Variants in LHX5 observed in about 807,000 individuals in gnomAD.
The protein encoded by LHX5 is LIM/homeobox protein Lhx5.
LHX5 carries 5 observed loss-of-function variants against 30.6 expected under a neutral mutation model. That is an observed-to-expected ratio of 0.16 (90% confidence interval 0.09 to 0.34). LHX5 has a LOEUF of 0.34. LHX5 is among the 10% of genes least tolerant of loss of function. The pLI is 1.00. For missense variants in LHX5, 458 were observed against 570.6 expected, an observed-to-expected ratio of 0.80 and a Z score of 2.01; for synonymous variants, 266 against 252.6, an observed-to-expected ratio of 1.05 and a Z score of -0.50.
At chr12:113,468,489 C>T in intron 2 of LHX5, 85 bp from the exon 3 acceptor site, 1 of 1,452,752 alleles carries the variant, frequency 6.9e-7, no homozygotes, top group Non-Finnish European at 9.3e-7. Flanking sequence ...TCCCGCCGGC[C>T]CAAGCTACGG....
rs760379467 is a variant in LHX5, at chr12:113,462,292, G to A, written c.*898C>T. The A allele has an allele frequency of 6.6e-6, 1 of 152,162 alleles. No individual in the cohort carries two copies. 9.4% of individuals were successfully genotyped at this position (152,162 alleles called of 1,614,324 possible). A position where few individuals can be genotyped will look rare whatever the true frequency, so the allele number is the denominator to read the frequency against. On this transcript the variant is annotated 3_prime_UTR_variant, in exon 5 of 5. Transcript: ENST00000261731. The stretch of plus-strand genomic sequence containing the variant: ...CTAGAAGCGTTCAACTTCCAAAAAA[G>A]TATAATATTGTACATCCTGACGGCC...
Position 113,466,180 on chromosome 12 carries a change from G to C in LHX5, c.841+1076C>G, listed in dbSNP as rs1958214378. 6.6e-6 allele frequency among the ~76,000 whole-genome samples: 1 copy of C among 152,144 alleles called. No homozygotes were observed. The highest frequency in any genetic ancestry group is 2.4e-5 in the African/African-American group (1 of 41,420). Reference sequence around the variant, plus strand: ...TCTTCCTAACCTGCGTTACAACTCAGAAGTGCAGATGCCTCTCAGACATAG... The same window carrying C: ...TCTTCCTAACCTGCGTTACAACTCACAAGTGCAGATGCCTCTCAGACATAG... On this transcript the variant is annotated intron_variant, in intron 4 of 4. Coordinates refer to ENST00000261731, the MANE Select transcript of LHX5 (RefSeq NM_022363.3). This position sits in a 1 kb window ranked among gnomAD's most constrained non-coding sequence, Gnocchi z 6.5.
At position 113,462,703 on chromosome 12, in the gene LHX5, T is replaced by A. The variant is rs1438399485; in HGVS notation, c.*487A>T. ...TTTCCTCTCCCTCTCTTTCAATCTC[T>A]CTCCTTTTCTTATCATCTTTTTTTT... On this transcript the variant is annotated 3_prime_UTR_variant, in exon 5 of 5. Transcript: ENST00000261731. The A allele has an allele frequency of 2.0e-5, 3 of 151,028 alleles. No homozygotes were observed. The highest frequency in any genetic ancestry group is 4.4e-5 in the Non-Finnish European group (3 of 67,814). The allele number at this position is 151,028 out of a possible 1,614,324, so 9.4% of individuals were successfully genotyped here.
chr12:113,467,187 C>T lies in LHX5; in HGVS notation c.841+69G>A, dbSNP rs529552597. 1.7e-5 allele frequency: 23 copies of T among 1,366,384 alleles called. No homozygotes were observed. In the East Asian group the frequency reaches 3.3e-4, roughly 20 times the overall value. The allele number at this position is 1,366,384 out of a possible 1,614,324, so 84.6% of individuals were successfully genotyped here. A position where few individuals can be genotyped will look rare whatever the true frequency, so the allele number is the denominator to read the frequency against. On this transcript the variant is annotated intron_variant, in intron 4 of 4. Transcript: ENST00000261731. This position sits in a 1 kb window ranked among gnomAD's most constrained non-coding sequence, Gnocchi z 6.3. ...CTGGAGCGGCGGAAAGCGTGCTGGC[C>T]GGGACCCTTCGCCCTCAGCTCCCGG...
Position 113,469,790 on chromosome 12 carries a change from G to C in LHX5, c.174-445C>G, listed in dbSNP as rs375199575. 1.4e-4 allele frequency among the ~76,000 whole-genome samples: 22 copies of C among 152,228 alleles called. 1 individual carries two copies. Among genetic ancestry groups the C allele is most frequent in the Admixed American group, 1.1e-3 (17 of 15,288 alleles). ...ATCCTTTCTAGTCTGCTGCTGCCTA[G>C]CTAGGGCCAATCTGCCTGGCTGGCT... On this transcript the variant is annotated intron_variant, in intron 1 of 4. Coordinates refer to ENST00000261731, the MANE Select transcript of LHX5 (RefSeq NM_022363.3).
rs111880405 is a variant in LHX5, at chr12:113,464,830, C to A, written c.842-1273G>T. Among the ~76,000 whole-genome samples the A allele has an allele frequency of 2.6e-3, 393 of 152,206 alleles. No individual in the cohort carries two copies. Among genetic ancestry groups the A allele is most frequent in the African/African-American group, 9.0e-3 (374 of 41,522 alleles). On this transcript the variant is annotated intron_variant, in intron 4 of 4. Transcript: ENST00000261731. The surrounding 1 kb of genome is among the most constrained non-coding windows in gnomAD (Gnocchi z 6.2). The stretch of plus-strand genomic sequence containing the variant: ...AGGTGTAGGGACTCCGGATTGCAAA[C>A]CCATTCTGCCTCAACAAATCTGTAT...
rs1958180005 is a variant in LHX5, at chr12:113,462,548, A to T, written c.*642T>A. 1 of 151,376 alleles carries T rather than the reference A, an allele frequency of 6.6e-6. No individual in the cohort carries two copies. The highest frequency in any genetic ancestry group is 6.6e-5 in the Admixed American group (1 of 15,146). The allele number at this position is 151,376 out of a possible 1,614,324, so 9.4% of individuals were successfully genotyped here. ...ACCTTGAGCCTCAAGATTGGCCACC[A>T]GGGAGCGCCAGCGTGCAGGTGGCTC... is the stretch of plus-strand genomic sequence containing the variant. On this transcript the variant is annotated 3_prime_UTR_variant, in exon 5 of 5. Transcript: ENST00000261731.
chr12:113,465,132 G>A lies in LHX5; in HGVS notation c.842-1575C>T, dbSNP rs1210770309. The stretch of plus-strand genomic sequence containing the variant: ...CTTCCCTCTCCAAACCCTGAAATCT[G>A]TCCAAATGGGGGGTGTCTGGAGGCG... On this transcript the variant is annotated intron_variant, in intron 4 of 4. Transcript: ENST00000261731. The surrounding 1 kb of genome is among the most constrained non-coding windows in gnomAD (Gnocchi z 6.7). 6.6e-6 allele frequency among the ~76,000 whole-genome samples: 1 copy of A among 152,170 alleles called. No individual in the cohort carries two copies. Among genetic ancestry groups the A allele is most frequent in the African/African-American group, 2.4e-5 (1 of 41,442 alleles).
In LHX5 at chr12:113,465,442, G is replaced by A. The variant is rs1226193727; in HGVS notation, c.841+1814C>T. On this transcript the variant is annotated intron_variant, in intron 4 of 4. Transcript: ENST00000261731. This position sits in a 1 kb window ranked among gnomAD's most constrained non-coding sequence, Gnocchi z 6.7. ...GCACAAAAGCCGCAGCTGGGGCTTTGTCCGCGCTCCCACGGGGAGCCGCCG... is the reference window on the plus strand; with the variant it reads ...GCACAAAAGCCGCAGCTGGGGCTTTATCCGCGCTCCCACGGGGAGCCGCCG... 6.6e-6 allele frequency among the ~76,000 whole-genome samples: 1 copy of A among 152,238 alleles called. No individual in the cohort carries two copies. The highest frequency in any genetic ancestry group is 2.4e-5 in the African/African-American group (1 of 41,478).
Position 113,463,642 on chromosome 12 carries a change from G to A in LHX5, c.842-85C>T, listed in dbSNP as rs776439854. On this transcript the variant is annotated intron_variant, in intron 4 of 4. Transcript: ENST00000261731. The surrounding 1 kb of genome is among the most constrained non-coding windows in gnomAD (Gnocchi z 6.7). ...GACCCGGGACCCGGGGAGGGGACCC[G>A]GGCGGGCGAGAGAGGGGAGCGCGCG... 7.9e-6 allele frequency: 11 copies of A among 1,393,550 alleles called. No individual in the cohort carries two copies. The highest frequency in any genetic ancestry group is 9.5e-6 in the Non-Finnish European group (10 of 1,058,006). 86.3% of individuals were successfully genotyped at this position (1,393,550 alleles called of 1,614,324 possible). A position where few individuals can be genotyped will look rare whatever the true frequency, so the allele number is the denominator to read the frequency against.
At position 113,471,082 on chromosome 12, in the gene LHX5, C is replaced by T. The variant is rs564745295; in HGVS notation, c.173+244G>A. ...TTTGTCAGGGCTTCCTCCCTCTGCC[C>T]CGCCAGCGCTCTGAGCCGGCCTCGA... On this transcript the variant is annotated intron_variant, in intron 1 of 4. Coordinates refer to ENST00000261731, the MANE Select transcript of LHX5 (RefSeq NM_022363.3). Among the ~76,000 whole-genome samples the T allele has an allele frequency of 3.9e-3, 595 of 152,354 alleles. 3 individuals carry two copies. The highest frequency in any genetic ancestry group is 0.01 in the Middle Eastern group (3 of 294).
chr12:113,463,233 A>G lies in LHX5; in HGVS notation c.1166T>C (p.Leu389Pro). The change falls in exon 5 of 5, where the codon CTG becomes CCG. Residue 389 changes from leucine (L) to proline (P), a missense_variant. By Grantham distance (98) the Leu-to-Pro change is moderately conservative (BLOSUM62 -3). Coordinates refer to ENST00000261731, the MANE Select transcript of LHX5 (RefSeq NM_022363.3). This position sits in a 1 kb window ranked among gnomAD's most constrained non-coding sequence, Gnocchi z 6.7. ...MSGTSGYSGPLSHPNPELNEA... is the reference protein window; with the variant it reads ...MSGTSGYSGPPSHPNPELNEA... ...GTTGAGCTCGGGGTTGGGATGCGACAGGGGTCCGCTGTAGCCGCTGGTGCC... is the reference window on the plus strand; with the variant it reads ...GTTGAGCTCGGGGTTGGGATGCGACGGGGGTCCGCTGTAGCCGCTGGTGCC... The G allele has an allele frequency of 6.6e-7, 1 of 1,522,696 alleles. No homozygotes were observed. The allele number at this position is 1,522,696 out of a possible 1,614,324, so 94.3% of individuals were successfully genotyped here. A position where few individuals can be genotyped will look rare whatever the true frequency, so the allele number is the denominator to read the frequency against.
Position 113,462,320 on chromosome 12 carries a change from G to A in LHX5, c.*870C>T, listed in dbSNP as rs922553542. 9 of 152,184 alleles carry A rather than the reference G, an allele frequency of 5.9e-5. No individual in the cohort carries two copies. The highest frequency in any genetic ancestry group is 1.9e-4 in the African/African-American group (8 of 41,436). 9.4% of individuals were successfully genotyped at this position (152,184 alleles called of 1,614,324 possible). A position where few individuals can be genotyped will look rare whatever the true frequency, so the allele number is the denominator to read the frequency against. On this transcript the variant is annotated 3_prime_UTR_variant, in exon 5 of 5. Coordinates refer to ENST00000261731, the MANE Select transcript of LHX5 (RefSeq NM_022363.3). Reference sequence around the variant, plus strand: ...TAATATTGTACATCCTGACGGCCCAGCCTCCAGGCCCTGGGCAGGGAGGGT... The same window carrying A: ...TAATATTGTACATCCTGACGGCCCAACCTCCAGGCCCTGGGCAGGGAGGGT...
rs774007814 is a variant in LHX5, at chr12:113,471,505, G to C, written c.-7C>G. The C allele has an allele frequency of 6.3e-7, 1 of 1,582,808 alleles. No homozygotes were observed. Reference sequence around the variant, plus strand: ...CGGCGCAGTGCACCATCATAGCCCCGCGCCCCGGCGGCTTCGGCCGCCTTG... The same window carrying C: ...CGGCGCAGTGCACCATCATAGCCCCCCGCCCCGGCGGCTTCGGCCGCCTTG... On this transcript the variant is annotated 5_prime_UTR_variant, in exon 1 of 5. Coordinates refer to ENST00000261731, the MANE Select transcript of LHX5 (RefSeq NM_022363.3).
At chr12:113,468,032 C>A in intron 3 of LHX5, 95 bp downstream of exon 3, 1 of 1,429,434 alleles carries the variant, frequency 7.0e-7, no homozygotes, top group Non-Finnish European at 9.2e-7. Context: ...GAACCAGGCG[C>A]GCTCGTAGCC....
chr12:113,471,312 G>A lies in LHX5; in HGVS notation c.173+14C>T. ...GGGTGGGCGCGCAGGCAGCAGAGCG[G>A]CGCGGCCTCTTACCTGAAAAAGTCA... On this transcript the variant is annotated intron_variant, in intron 1 of 4. Coordinates refer to ENST00000261731, the MANE Select transcript of LHX5 (RefSeq NM_022363.3). The A allele has an allele frequency of 6.2e-7, 1 of 1,612,462 alleles. No homozygotes were observed. The highest frequency in any genetic ancestry group is 8.5e-7 in the Non-Finnish European group (1 of 1,179,550).
Position 113,467,631 on chromosome 12 carries a change from G to A in LHX5, c.676-210C>T, listed in dbSNP as rs765998466. On this transcript the variant is annotated intron_variant, in intron 3 of 4. Coordinates refer to ENST00000261731, the MANE Select transcript of LHX5 (RefSeq NM_022363.3). The surrounding 1 kb of genome is among the most constrained non-coding windows in gnomAD (Gnocchi z 6.3). ...GGGTGAAGGATTTCGCGGACCCGTGGGGCGACTCATAAAGACTTGGGCTTC... is the reference window on the plus strand; with the variant it reads ...GGGTGAAGGATTTCGCGGACCCGTGAGGCGACTCATAAAGACTTGGGCTTC... Among the ~76,000 whole-genome samples, 17 of 152,218 alleles carry A rather than the reference G, an allele frequency of 1.1e-4. No homozygotes were observed. Among genetic ancestry groups the A allele is most frequent in the Non-Finnish European group, 2.2e-4 (15 of 68,042 alleles).
rs904527317 is a variant in LHX5 at position 113,462,140 on chromosome 12, C to G, written c.*1050G>C. On this transcript the variant is annotated 3_prime_UTR_variant, in exon 5 of 5. Coordinates refer to ENST00000261731, the MANE Select transcript of LHX5 (RefSeq NM_022363.3). Reference sequence around the variant, plus strand: ...GGTAAACCTCTTTCTGCTTCCCCTCCGTCACTCTGCCCTACCTCCTCTTAA... The same window carrying G: ...GGTAAACCTCTTTCTGCTTCCCCTCGGTCACTCTGCCCTACCTCCTCTTAA... 3 of 151,894 alleles carry G rather than the reference C, an allele frequency of 2.0e-5. No individual in the cohort carries two copies. The highest frequency in any genetic ancestry group is 7.3e-5 in the African/African-American group (3 of 41,314). 9.4% of individuals were successfully genotyped at this position (151,894 alleles called of 1,614,324 possible).
intron 2 of LHX5, among the ~76,000 whole-genome samples, 175 bp from the exon 3 acceptor site, chr12:113,468,579 C>T (rs967502146): frequency 6.6e-6 from 1 of 152,210 alleles, no homozygotes; most frequent in Admixed American, 6.5e-5. Context: ...CGGTGCCCGC[C>T]CACTCTCTCC....
Sources: gnomAD v4.1 joint callset for allele counts (sites outside exome capture counted in the v4.1 genomes callset) on GRCh38, gnomAD v4.1.1 for gene constraint, Gnocchi (gnomAD v3.1) non-coding constraint, MANE v1.5 for transcripts, NCBI Gene and HGNC (gene_info 2026-07-23, HGNC 2026-07-21) for gene names.